KCNQ1: variants seen among roughly 807,000 people sequenced by gnomAD.
KCNQ1 encodes the protein potassium voltage-gated channel subfamily Q member 1, also known as potassium voltage-gated channel subfamily KQT member 1.
In KCNQ1, 49 loss-of-function variants were observed where a neutral mutation model predicts 72.4. The ratio of observed to expected loss-of-function variants is 0.68; its 90% CI spans 0.54 to 0.86. The LOEUF (loss-of-function observed/expected upper bound fraction) is 0.86, where lower values mean the gene tolerates loss of function less well. KCNQ1 is among the 40% of genes least tolerant of loss of function. The probability of loss-of-function intolerance (pLI) is 0.00; values close to 1 mark genes in which losing one functional copy is unlikely to be tolerated. For synonymous variants in KCNQ1, 450 were observed against 412.6 expected (o/e 1.09, Z -1.10); for missense variants, 790 against 945.1 (o/e 0.84, Z 2.15).
chr11:2,825,348 C>T (rs185189033), intron 15 of KCNQ1, among the ~76,000 whole-genome samples: 2 of 152,208 alleles, frequency 1.3e-5, no homozygotes, highest in Non-Finnish European at 2.9e-5. Flanking sequence ...GAGCCCTCAG[C>T]CTGCTCAGCT....
chr11:2,663,580 G>A lies in KCNQ1; in HGVS notation c.1514+1499G>A. ...CTTCTGGCTGCTTGCTTCTCCTGTT[G>A]GAGCTCTCGCTCACCTTGGTTCTCT... is the stretch of plus-strand genomic sequence containing the variant. On this transcript the variant is annotated intron_variant, in intron 11 of 15. Transcript: ENST00000155840. The surrounding 1 kb of genome is among the most constrained non-coding windows in gnomAD (Gnocchi z 5.2). 2.5e-6 allele frequency: 1 copy of A among 398,578 alleles called. No homozygotes were observed. The highest frequency in any genetic ancestry group is 3.6e-5 in the East Asian group (1 of 28,058). 24.7% of individuals were successfully genotyped at this position (398,578 alleles called of 1,614,324 possible).
chr11:2,563,463 T>C lies in KCNQ1; in HGVS notation c.478-7165T>C, dbSNP rs10732459. On this transcript the variant is annotated intron_variant, in intron 2 of 15. Coordinates refer to ENST00000155840, the MANE Select transcript of KCNQ1 (RefSeq NM_000218.3). This position sits in a 1 kb window ranked among gnomAD's most constrained non-coding sequence, Gnocchi z 7.4. ...CACAACACCGGATACCAGCATGGGG[T>C]CGGCCTGCGGGGCCATGTGTCTCCT... 0.99 allele frequency among the ~76,000 whole-genome samples: 150,319 copies of C among 152,332 alleles called. 74,204 individuals carry two copies. The highest frequency in any genetic ancestry group is 1 in the Middle Eastern group (294 of 294).
At chr11:2,793,223 T>G (rs1847065669) in intron 15 of KCNQ1, among the ~76,000 whole-genome samples, 1 of 152,230 alleles carries the variant, frequency 6.6e-6, no homozygotes, top group African/African-American at 2.4e-5. Context: ...TAAGGCTCTG[T>G]GATAGCCCCT....
intron 1 of KCNQ1, among the ~76,000 whole-genome samples, chr11:2,459,974 G>A (rs1846250385): frequency 6.6e-6 from 1 of 152,158 alleles, no homozygotes; most frequent in Non-Finnish European, 1.5e-5. Context: ...AATAGTAGCT[G>A]ACGTGAACCC....
intron 12 of KCNQ1, among the ~76,000 whole-genome samples, chr11:2,771,784 C>T (rs1379496528): frequency 6.6e-6 from 1 of 152,166 alleles, no homozygotes; most frequent in South Asian, 2.1e-4. Context: ...CAGGCCCTGT[C>T]GCTGAGCCAC....
At position 2,550,381 on chromosome 11, in the gene KCNQ1, A is replaced by C. The variant is rs1448947519; in HGVS notation, c.478-20247A>C. ...CTAGGGTCCCTCTGGGGGTTGAATGAAAAGGCATAGGTAGAAGGTGGGAGA... is the reference window on the plus strand; with the variant it reads ...CTAGGGTCCCTCTGGGGGTTGAATGCAAAGGCATAGGTAGAAGGTGGGAGA... On this transcript the variant is annotated intron_variant, in intron 2 of 15. Transcript: ENST00000155840. This position sits in a 1 kb window ranked among gnomAD's most constrained non-coding sequence, Gnocchi z 6.0. Among the ~76,000 whole-genome samples, 1 of 152,180 alleles carries C rather than the reference A, an allele frequency of 6.6e-6. No homozygotes were observed. Among genetic ancestry groups the C allele is most frequent in the Non-Finnish European group, 1.5e-5 (1 of 68,010 alleles).
chr11:2,692,654 T>A, intron 11 of KCNQ1: 1 of 398,690 alleles, frequency 2.5e-6, no homozygotes, highest in Non-Finnish European at 4.4e-6. Context: ...CCCCTCAGGG[T>A]GCAAACGGTC....
In KCNQ1 at chr11:2,817,711, G is replaced by T. The variant is rs117349743; in HGVS notation, c.1795-30056G>T. Among the ~76,000 whole-genome samples the T allele has an allele frequency of 1.3e-5, 2 of 152,230 alleles. No individual in the cohort carries two copies. The highest frequency in any genetic ancestry group is 3.9e-4 in the East Asian group (2 of 5,168). On this transcript the variant is annotated intron_variant, in intron 15 of 15. Coordinates refer to ENST00000155840, the MANE Select transcript of KCNQ1 (RefSeq NM_000218.3). The surrounding 1 kb of genome is among the most constrained non-coding windows in gnomAD (Gnocchi z 6.1). ...CCTGAGCCGAGGCCCCCTTCTCACA[G>T]GGGCCTACCCACTTACGACCCACCT...
chr11:2,632,643 C>G (rs966810242), intron 10 of KCNQ1: 3 of 398,218 alleles, frequency 7.5e-6, no homozygotes, highest in African/African-American at 6.2e-5. Flanking sequence ...TTCATCAACT[C>G]AAATATCATT....
At chr11:2,584,249 G>A (rs1043751374) in intron 7 of KCNQ1, among the ~76,000 whole-genome samples, 3 of 105,760 alleles carry the variant, frequency 2.8e-5, no homozygotes, top group Non-Finnish European at 5.7e-5. Flanking sequence ...TGTGTCACAG[G>A]TATGTATCCT....
chr11:2,763,915 A>G (rs11024017), intron 11 of KCNQ1, among the ~76,000 whole-genome samples: 22,321 of 152,004 alleles, frequency 0.15, 1,743 homozygotes, highest in Middle Eastern at 0.21. Context: ...TGTTAAATTC[A>G]TGTATTCCAA....
chr11:2,825,383 G>A (rs948775897), intron 15 of KCNQ1, among the ~76,000 whole-genome samples: 1 of 152,182 alleles, frequency 6.6e-6, no homozygotes, highest in African/African-American at 2.4e-5. Context: ...GGAAATGGGC[G>A]TTTCCTGTGG....
In KCNQ1 at chr11:2,654,815, A is replaced by G. The variant is rs982470867; in HGVS notation, c.1394-7146A>G. The G allele has an allele frequency of 2.5e-6, 1 of 398,648 alleles. No homozygotes were observed. Among genetic ancestry groups the G allele is most frequent in the Admixed American group, 4.4e-5 (1 of 22,728 alleles). The allele number at this position is 398,648 out of a possible 1,614,324, so 24.7% of individuals were successfully genotyped here. On this transcript the variant is annotated intron_variant, in intron 10 of 15. Coordinates refer to ENST00000155840, the MANE Select transcript of KCNQ1 (RefSeq NM_000218.3). This position sits in a 1 kb window ranked among gnomAD's most constrained non-coding sequence, Gnocchi z 6.4. ...GGAACAGAAAGCCTCAAAGACTTTC[A>G]TGATAGGAGAGCTCTATGTAGCCTC...
At chr11:2,487,538 GTTTC>G (rs1203861721) in intron 1 of KCNQ1, among the ~76,000 whole-genome samples, 5 of 152,188 alleles carry the variant, frequency 3.3e-5, no homozygotes, top group Middle Eastern at 3.4e-3. Flanking sequence ...ATCTTTTTAA[GTTTC>G]TTTCAGTAAT....
At chr11:2,615,975 C>G (rs1266154424) in intron 10 of KCNQ1, 2 of 397,914 alleles carry the variant, frequency 5.0e-6, no homozygotes, top group Non-Finnish European at 8.9e-6. Context: ...TCAACAGTGA[C>G]GCCATCTGTG....
intron 6 of KCNQ1, 55 bp downstream of exon 6, chr11:2,573,041 G>A: frequency 6.3e-7 from 1 of 1,586,756 alleles, no homozygotes; most frequent in East Asian, 2.2e-5. Flanking sequence ...TGAGGAGTGG[G>A]CAGGACATCT....
At chr11:2,519,771 TG>T (rs35973912) in intron 1 of KCNQ1, among the ~76,000 whole-genome samples, 25,910 of 99,164 alleles carry the variant, frequency 0.26, 2,489 homozygotes, top group East Asian at 0.5. Context: ...CAGCAGGTGT[TG>T]GCCCCCCCCC....
intron 10 of KCNQ1, chr11:2,643,042 AATAT>A (rs533967321): frequency 5.5e-5 from 22 of 397,740 alleles, no homozygotes; most frequent in Non-Finnish European, 8.4e-5. Context: ...TCCAATTTAA[AATAT>A]ATATATATTT....
rs866796146 is a variant in KCNQ1 at position 2,446,125 on chromosome 11, C to G, written c.386+641C>G. Among the ~76,000 whole-genome samples, 1 of 152,202 alleles carries G rather than the reference C, an allele frequency of 6.6e-6. No homozygotes were observed. The highest frequency in any genetic ancestry group is 2.1e-4 in the South Asian group (1 of 4,828). ...TCTCACTAAGAGGCAGCTGTGCTCC[C>G]GGAGAAAGCAGCGCTGGTAGCAGAG... is the stretch of plus-strand genomic sequence containing the variant. On this transcript the variant is annotated intron_variant, in intron 1 of 15. Transcript: ENST00000155840. The surrounding 1 kb of genome is among the most constrained non-coding windows in gnomAD (Gnocchi z 8.8).
Sources: gnomAD v4.1 joint callset for allele counts (sites outside exome capture counted in the v4.1 genomes callset) on GRCh38, gnomAD v4.1.1 for gene constraint, Gnocchi (gnomAD v3.1) non-coding constraint, MANE v1.5 for transcripts, NCBI Gene and HGNC (gene_info 2026-07-23, HGNC 2026-07-21) for gene names.